RAB2A: variants seen among roughly 807,000 people sequenced by gnomAD.
RAB2A encodes ras-related protein Rab-2A.
In RAB2A, 7 loss-of-function variants were observed where a neutral mutation model predicts 32.5. That is an observed-to-expected ratio of 0.22 (90% CI 0.12 to 0.40). The LOEUF is 0.40. RAB2A is among the 10% of genes least tolerant of loss of function. The pLI, the probability that RAB2A is intolerant of heterozygous loss-of-function variation, is 1.00. For synonymous variants in RAB2A, 79 were observed against 85.2 expected (o/e 0.93, Z 0.40); for missense variants, 108 against 260.7 (o/e 0.41, Z 4.03).
At chr8:60,521,436 G>A (rs954999273) in intron 1 of RAB2A, among the ~76,000 whole-genome samples, 1 of 152,106 alleles carries the variant, frequency 6.6e-6, no homozygotes, top group Non-Finnish European at 1.5e-5. Flanking sequence ...AAATTACAAG[G>A]TTATGTAGGG....
At chr8:60,587,805 G>A (rs889824055) in intron 5 of RAB2A, among the ~76,000 whole-genome samples, 5 of 152,070 alleles carry the variant, frequency 3.3e-5, no homozygotes, top group African/African-American at 1.2e-4. Flanking sequence ...AAAATGAAAA[G>A]ACAAGCTACA....
At chr8:60,525,992 T>C (rs1807374365) in intron 1 of RAB2A, among the ~76,000 whole-genome samples, 2 of 143,744 alleles carry the variant, frequency 1.4e-5, no homozygotes, top group African/African-American at 2.6e-5. Flanking sequence ...TATGTATATA[T>C]GTCTATATGT....
chr8:60,551,546 T>C (rs1051047036), intron 1 of RAB2A, among the ~76,000 whole-genome samples: 2 of 152,358 alleles, frequency 1.3e-5, no homozygotes, highest in East Asian at 3.9e-4. Context: ...ACCTACTTCT[T>C]ACAGGTTAGG....
At chr8:60,598,937 CAAAAAAAAAAAAAAAA>C (rs56406651) in intron 6 of RAB2A, among the ~76,000 whole-genome samples, 426 of 40,422 alleles carry the variant, frequency 0.011, 14 homozygotes, top group African/African-American at 0.027. Context: ...TGCAGTAAAG[CAAAAAAAAAAAAAAAA>C]AAAAAAAAAA....
chr8:60,548,658 C>T (rs1216340579), intron 1 of RAB2A, among the ~76,000 whole-genome samples: 10 of 147,524 alleles, frequency 6.8e-5, no homozygotes, highest in Non-Finnish European at 1.5e-4. Flanking sequence ...CCCCCACCTC[C>T]CTCCCGGACG....
intron 6 of RAB2A, among the ~76,000 whole-genome samples, chr8:60,610,303 A>T (rs1280349702): frequency 1.3e-5 from 2 of 152,176 alleles, no homozygotes; most frequent in Non-Finnish European, 2.9e-5. Flanking sequence ...ACTTACTAAG[A>T]CATTAGTAAC....
At position 60,537,687 on chromosome 8, in the gene RAB2A, A is replaced by G. The variant is rs529075571; in HGVS notation, c.46+20434A>G. Among the ~76,000 whole-genome samples the G allele has an allele frequency of 8.6e-5, 13 of 151,994 alleles. No individual in the cohort carries two copies. In the South Asian group the frequency reaches 2.7e-3, roughly 32 times the overall value. On this transcript the variant is annotated intron_variant, in intron 1 of 7. Transcript: ENST00000262646. ...GGTATTTATAACTGTTTTCTTTTTT[A>G]TTTTATTTTATTTTATTTATTTTCA... is the stretch of plus-strand genomic sequence containing the variant.
chr8:60,604,182 C>T (rs1804186140), intron 6 of RAB2A, among the ~76,000 whole-genome samples: 1 of 152,192 alleles, frequency 6.6e-6, no homozygotes, highest in Non-Finnish European at 1.5e-5. Flanking sequence ...AAGTGCCTCG[C>T]TCCCCCTTTG....
At chr8:60,602,860 CT>C (rs1307963744) in intron 6 of RAB2A, among the ~76,000 whole-genome samples, 1 of 152,100 alleles carries the variant, frequency 6.6e-6, no homozygotes, top group Non-Finnish European at 1.5e-5. Flanking sequence ...CTATGCCATC[CT>C]TTTGTTCCTT....
intron 1 of RAB2A, among the ~76,000 whole-genome samples, chr8:60,532,516 A>ATT (rs998923034): frequency 6.7e-6 from 1 of 150,308 alleles, no homozygotes; most frequent in African/African-American, 2.4e-5. Context: ...AGCTACGTGG[A>ATT]TTTTTTTTTT....
chr8:60,606,664 A>G lies in RAB2A; in HGVS notation c.475-11916A>G, dbSNP rs113622120. Among the ~76,000 whole-genome samples the G allele has an allele frequency of 2.5e-3, 386 of 152,368 alleles. 1 individual carries two copies. Among genetic ancestry groups the G allele is most frequent in the Non-Finnish European group, 3.1e-3 (212 of 68,032 alleles). On this transcript the variant is annotated intron_variant, in intron 6 of 7. Transcript: ENST00000262646. The stretch of plus-strand genomic sequence containing the variant: ...ACTACATTAATAACACTAATATACA[A>G]CCACATAGATATTTATTGTATACAC...
At chr8:60,543,904 A>C (rs1807684916) in intron 1 of RAB2A, among the ~76,000 whole-genome samples, 2 of 151,858 alleles carry the variant, frequency 1.3e-5, no homozygotes, top group Admixed American at 1.3e-4. Context: ...TCTACTAAAA[A>C]TACGAAAATT....
intron 2 of RAB2A, among the ~76,000 whole-genome samples, chr8:60,566,578 T>C (rs894357074): frequency 6.6e-6 from 1 of 152,202 alleles, no homozygotes; most frequent in South Asian, 2.1e-4. Context: ...TGCATTCTAT[T>C]TGGTATGTGG....
chr8:60,571,559 T>C (rs1808198000), intron 2 of RAB2A, among the ~76,000 whole-genome samples: 1 of 152,234 alleles, frequency 6.6e-6, no homozygotes, highest in Non-Finnish European at 1.5e-5. Context: ...CTGGGAAGTA[T>C]GTTAAAACAT....
At chr8:60,610,668 C>T (rs1442999142) in intron 6 of RAB2A, among the ~76,000 whole-genome samples, 1 of 152,210 alleles carries the variant, frequency 6.6e-6, no homozygotes, top group Non-Finnish European at 1.5e-5. Context: ...TCAGCTTCTT[C>T]ACCTCTAATT....
intron 1 of RAB2A, among the ~76,000 whole-genome samples, chr8:60,544,056 C>T (rs1317795958): frequency 6.8e-5 from 7 of 102,674 alleles, no homozygotes; most frequent in Admixed American, 2.8e-4. Context: ...AGTGAGACTC[C>T]GTCTCAAAAA....
At position 60,611,003 on chromosome 8, in the gene RAB2A, A is replaced by G. The variant is rs16926308; in HGVS notation, c.475-7577A>G. Among the ~76,000 whole-genome samples, 113 of 152,248 alleles carry G rather than the reference A, an allele frequency of 7.4e-4. No individual in the cohort carries two copies. In the East Asian group the frequency reaches 0.017, roughly 22 times the overall value. On this transcript the variant is annotated intron_variant, in intron 6 of 7. Coordinates refer to ENST00000262646, the MANE Select transcript of RAB2A (RefSeq NM_002865.3). ...ATCTCAATTCATGGTATACCCTTTT[A>G]TCTCATCACTTAAACCAAAAGCGGA...
intron 3 of RAB2A, among the ~76,000 whole-genome samples, chr8:60,582,877 G>T (rs1232322314): frequency 6.6e-6 from 1 of 152,200 alleles, no homozygotes; most frequent in African/African-American, 2.4e-5. Context: ...AAAACTCCCA[G>T]GCTCAAGCGA....
intron 1 of RAB2A, among the ~76,000 whole-genome samples, chr8:60,531,798 ATTTTTTT>A (rs11320293): frequency 1.5e-5 from 2 of 129,700 alleles, no homozygotes; most frequent in Admixed American, 7.9e-5. Context: ...TTCTACCTTG[ATTTTTTT>A]TTTTTTTTTT....
Sources: allele counts gnomAD v4.1 joint callset (sites outside exome capture counted in the v4.1 genomes callset), GRCh38; gene constraint gnomAD v4.1.1; transcripts MANE v1.5; gene names NCBI Gene and HGNC (gene_info 2026-07-23, HGNC 2026-07-21).